Variants in ARFIP2 observed in about 807,000 individuals in gnomAD.
ARFIP2 encodes the protein ARF interacting protein 2, also known as arfaptin-2.
ARFIP2 carries 14 observed loss-of-function variants against 39.2 expected under a neutral mutation model. The observed-to-expected ratio is 0.36, with a 90% CI of 0.24 to 0.56. ARFIP2 has a LOEUF of 0.56. Ranked by LOEUF, ARFIP2 falls within the 20% of genes least tolerant of loss-of-function variation. The probability of loss-of-function intolerance (pLI) is 0.85; values close to 1 mark genes in which losing one functional copy is unlikely to be tolerated. For missense variants in ARFIP2, 305 were observed against 422.5 expected (o/e 0.72, Z 2.44); for synonymous variants, 167 against 172.4 (o/e 0.97, Z 0.24).
At chr11:6,481,060 C>G (rs1023231308) in intron 1 of ARFIP2, 171 bp downstream of exon 1, 1 of 236,946 alleles carries the variant, frequency 4.2e-6, no homozygotes, top group East Asian at 1.3e-4. Context: ...CCCAGGATAT[C>G]GGTGACCCTT....
At chr11:6,481,148 T>A in intron 1 of ARFIP2, 83 bp downstream of exon 1, 1 of 427,564 alleles carries the variant, frequency 2.3e-6, no homozygotes. Context: ...TGTGTCCTCA[T>A]CCTTCCCCGG....
Position 6,477,898 on chromosome 11 carries a change from G to T in ARFIP2, c.696-6C>A, listed in dbSNP as rs1282511236. 1 of 1,613,560 alleles carries T rather than the reference G, an allele frequency of 6.2e-7. No individual in the cohort carries two copies. The highest frequency in any genetic ancestry group is 1.7e-5 in the Admixed American group (1 of 59,992). Reference sequence around the variant, plus strand: ...GGTAGGCATCATATTCCAGCCTGGGGAGGGGGTGATAAAGGCTGGTCTCCA... The same window carrying T: ...GGTAGGCATCATATTCCAGCCTGGGTAGGGGGTGATAAAGGCTGGTCTCCA... On this transcript the variant is annotated splice_region_variant and splice_polypyrimidine_tract_variant and intron_variant, in intron 6 of 7. Transcript: ENST00000396777. This position sits in a 1 kb window ranked among gnomAD's most constrained non-coding sequence, Gnocchi z 4.8.
In ARFIP2 at chr11:6,480,267, G is replaced by T. The variant is rs1365930478; in HGVS notation, c.99+56C>A. ...TACTGGAATGGAGGGTGAGAACCTA[G>T]GATTTATAAATTGGATTCCTAAATT... On this transcript the variant is annotated intron_variant, in intron 2 of 7. Transcript: ENST00000396777. The T allele has an allele frequency of 7.1e-6, 11 of 1,551,564 alleles. No individual in the cohort carries two copies. In the South Asian group the frequency reaches 1.3e-4, roughly 18 times the overall value.
rs1388095238 is a variant in ARFIP2 at position 6,478,367 on chromosome 11, T to TG, written c.538-170dup. ...AGCCGGAAAGTTAGTGGGATCACCCTGGGGATACCTGGGGTAGGAATGTGG... is the reference window on the plus strand; with the variant it reads ...AGCCGGAAAGTTAGTGGGATCACCCTGGGGGATACCTGGGGTAGGAATGTGG... On this transcript the variant is annotated intron_variant, in intron 5 of 7. Transcript: ENST00000396777. The surrounding 1 kb of genome is among the most constrained non-coding windows in gnomAD (Gnocchi z 4.8). 6.6e-6 allele frequency among the ~76,000 whole-genome samples: 1 copy of TG among 152,008 alleles called. No homozygotes were observed. Among genetic ancestry groups the TG allele is most frequent in the African/African-American group, 2.4e-5 (1 of 41,382 alleles).
In ARFIP2 at chr11:6,476,991, G is replaced by A. The variant is rs1589849129; in HGVS notation, c.*122C>T. 2.6e-5 allele frequency: 32 copies of A among 1,228,550 alleles called. No individual in the cohort carries two copies. The East Asian group carries it at 8.3e-4, about 32-fold the overall frequency. The allele number at this position is 1,228,550 out of a possible 1,614,324, so 76.1% of individuals were successfully genotyped here. A position where few individuals can be genotyped will look rare whatever the true frequency, so the allele number is the denominator to read the frequency against. On this transcript the variant is annotated 3_prime_UTR_variant, in exon 8 of 8. Transcript: ENST00000396777. ...TGGGCAAAACTGGTGTCAGGCCCCA[G>A]CCAGAAAAAGGAGCCCAAGCCAGAG... is the stretch of plus-strand genomic sequence containing the variant.
Position 6,478,090 on chromosome 11 carries a change from T to G in ARFIP2, c.646A>C (p.Lys216Gln). ...FVSSINTLVT[K>Q]TMEDTLMTVK... ...GTCATGAGCGTGTCTTCCATGGTCTTGGTGACCAATGTGTTGATGCTAGAG... is the reference window on the plus strand; with the variant it reads ...GTCATGAGCGTGTCTTCCATGGTCTGGGTGACCAATGTGTTGATGCTAGAG... The change falls in exon 6 of 8, where the codon AAG becomes CAG. Residue 216 changes from lysine to glutamine, a missense_variant. By Grantham distance (53) the Lys-to-Gln change is moderately conservative (BLOSUM62 1). Coordinates refer to ENST00000396777, the MANE Select transcript of ARFIP2 (RefSeq NM_001376558.2). This position sits in a 1 kb window ranked among gnomAD's most constrained non-coding sequence, Gnocchi z 4.8. The G allele has an allele frequency of 6.2e-7, 1 of 1,614,114 alleles. No individual in the cohort carries two copies. The highest frequency in any genetic ancestry group is 8.5e-7 in the Non-Finnish European group (1 of 1,179,994).
At chr11:6,479,074 C>T in intron 4 of ARFIP2, 66 bp downstream of exon 4, 1 of 1,588,566 alleles carries the variant, frequency 6.3e-7, no homozygotes, top group Non-Finnish European at 8.6e-7. Context: ...ATATTACGAT[C>T]ACGAAGAAAA....
chr11:6,480,173 G>A, intron 2 of ARFIP2, 105 bp from the exon 3 acceptor site: 2 of 1,291,038 alleles, frequency 1.5e-6, no homozygotes, highest in Non-Finnish European at 2.2e-6. Context: ...TAGTACACAA[G>A]GGAAGTCTGC....
In ARFIP2 at chr11:6,477,816, G is replaced by A. The variant is rs139680221; in HGVS notation, c.772C>T (p.Leu258Phe). The A allele has an allele frequency of 6.2e-7, 1 of 1,613,986 alleles. No individual in the cohort carries two copies. The highest frequency in any genetic ancestry group is 8.5e-7 in the Non-Finnish European group (1 of 1,179,970). Residue 258 changes from leucine (L) to phenylalanine (F), a missense_variant, in exon 7 of 8, where the codon CTT becomes TTT. Leu to Phe is a conservative substitution (Grantham distance 22, BLOSUM62 0). Transcript: ENST00000396777. This position sits in a 1 kb window ranked among gnomAD's most constrained non-coding sequence, Gnocchi z 4.8. Reference sequence around the variant, plus strand: ...TGGAAAGTGGCCTGGGCACTCTCAAGTCGACCACGTGTCCCTGCATCCCGG... The same window carrying A: ...TGGAAAGTGGCCTGGGCACTCTCAAATCGACCACGTGTCCCTGCATCCCGG... ...GPRDAGTRGR[L>F]ESAQATFQAH...
rs1165708457 is a variant in ARFIP2 at position 6,478,141 on chromosome 11, G to A, written c.595C>T (p.Leu199=). Residue 199 remains leucine (L), a synonymous_variant, in exon 6 of 8, where the codon CTG becomes TTG. Transcript: ENST00000396777. This position sits in a 1 kb window ranked among gnomAD's most constrained non-coding sequence, Gnocchi z 4.8. ...QKLLCKNGET[L]LGAVNFFVSS... ...ACAAAGAAGTTCACGGCTCCTAGCA[G>A]CGTTTCCCCATTCTTGCATAGTAGT... is the stretch of plus-strand genomic sequence containing the variant. The A allele has an allele frequency of 1.9e-6, 3 of 1,614,106 alleles. No individual in the cohort carries two copies. Among genetic ancestry groups the A allele is most frequent in the South Asian group, 2.2e-5 (2 of 91,086 alleles).
Position 6,481,252 on chromosome 11 carries a change from C to T in ARFIP2, c.-64G>A, listed in dbSNP as rs1283963688. The T allele has an allele frequency of 5.0e-6, 3 of 598,330 alleles. No homozygotes were observed. The highest frequency in any genetic ancestry group is 3.7e-5 in the African/African-American group (2 of 53,674). 37.1% of individuals were successfully genotyped at this position (598,330 alleles called of 1,614,324 possible). On this transcript the variant is annotated 5_prime_UTR_variant, in exon 1 of 8. Transcript: ENST00000396777. Reference sequence around the variant, plus strand: ...TCACCTCGGGCCGGGCCGCTCTTCCCCTCAGGGCGCCAGGCCCGGGCCGCG... The same window carrying T: ...TCACCTCGGGCCGGGCCGCTCTTCCTCTCAGGGCGCCAGGCCCGGGCCGCG...
At position 6,480,444 on chromosome 11, in the gene ARFIP2, A is replaced by C; in HGVS notation, c.-23T>G. On this transcript the variant is annotated 5_prime_UTR_variant, in exon 2 of 8. Transcript: ENST00000396777. ...CATGGCTAGGAAAGGTATTGGAGTA[A>C]AACTCTCCACCCCAGCACCCTGCAA... 1 of 1,585,552 alleles carries C rather than the reference A, an allele frequency of 6.3e-7. No homozygotes were observed. The highest frequency in any genetic ancestry group is 8.6e-7 in the Non-Finnish European group (1 of 1,163,590).
chr11:6,477,768 T>C lies in ARFIP2; in HGVS notation c.820A>G (p.Lys274Glu), dbSNP rs1162488091. 1 of 1,613,916 alleles carries C rather than the reference T, an allele frequency of 6.2e-7. No homozygotes were observed. Reference sequence around the variant, plus strand: ...TTGATGGCCACATCTCCCCGCAGCTTCTCATACTTGTCCCGATGGGCCTGG... The same window carrying C: ...TTGATGGCCACATCTCCCCGCAGCTCCTCATACTTGTCCCGATGGGCCTGG... ...TFQAHRDKYE[K>E]LRGDVAIKLK... The change falls in exon 7 of 8, where the codon AAG becomes GAG. Residue 274 changes from lysine (K) to glutamate (E), a missense_variant. By Grantham distance (56) the Lys-to-Glu change is moderately conservative. This residue lies in a region of ARFIP2 where 112 missense variants were observed against 118.2 expected (regional missense o/e 0.95). Coordinates refer to ENST00000396777, the MANE Select transcript of ARFIP2 (RefSeq NM_001376558.2). This position sits in a 1 kb window ranked among gnomAD's most constrained non-coding sequence, Gnocchi z 4.8.
chr11:6,479,468 G>C, intron 3 of ARFIP2: 2 of 911,294 alleles, frequency 2.2e-6, no homozygotes, highest in Non-Finnish European at 3.3e-6. Context: ...GGGGGTTAGA[G>C]GAGGGGTTTG....
At chr11:6,480,650 G>C in intron 1 of ARFIP2, 187 bp from the exon 2 acceptor site, 1 of 464,246 alleles carries the variant, frequency 2.2e-6, no homozygotes, top group South Asian at 2.9e-5. Flanking sequence ...ACCAAAGCAC[G>C]GTGTCTTCTC....
Position 6,478,570 on chromosome 11 carries a change from T to G in ARFIP2, c.537+168A>C. 1 of 1,432,264 alleles carries G rather than the reference T, an allele frequency of 7.0e-7. No homozygotes were observed. The highest frequency in any genetic ancestry group is 1.5e-5 in the South Asian group (1 of 68,466). The allele number at this position is 1,432,264 out of a possible 1,614,324, so 88.7% of individuals were successfully genotyped here. On this transcript the variant is annotated intron_variant, in intron 5 of 7. Transcript: ENST00000396777. The surrounding 1 kb of genome is among the most constrained non-coding windows in gnomAD (Gnocchi z 4.8). ...CCACCCCCTCCAACTTCTGGACCTC[T>G]GTACAAACCCTTAGGCTGCCTCCAC...
At position 6,477,775 on chromosome 11, in the gene ARFIP2, C is replaced by T; in HGVS notation, c.813G>A (p.Lys271=). The T allele has an allele frequency of 6.2e-7, 1 of 1,614,000 alleles. No homozygotes were observed. Among genetic ancestry groups the T allele is most frequent in the Non-Finnish European group, 8.5e-7 (1 of 1,179,958 alleles). The stretch of plus-strand genomic sequence containing the variant: ...CCACATCTCCCCGCAGCTTCTCATA[C>T]TTGTCCCGATGGGCCTGGAAAGTGG... The part of the protein sequence containing the change: ...AQATFQAHRD[K]YEKLRGDVAI... Residue 271 remains lysine (K), a synonymous_variant, in exon 7 of 8, where the codon AAG becomes AAA. Coordinates refer to ENST00000396777, the MANE Select transcript of ARFIP2 (RefSeq NM_001376558.2). This position sits in a 1 kb window ranked among gnomAD's most constrained non-coding sequence, Gnocchi z 4.8.
In ARFIP2 at chr11:6,479,934, C is replaced by T. The variant is rs565759817; in HGVS notation, c.196+38G>A. 8.8e-6 allele frequency: 14 copies of T among 1,589,978 alleles called. No homozygotes were observed. In the African/African-American group the frequency reaches 1.7e-4, roughly 20 times the overall value. On this transcript the variant is annotated intron_variant, in intron 3 of 7. Coordinates refer to ENST00000396777, the MANE Select transcript of ARFIP2 (RefSeq NM_001376558.2). ...TGCTTCCCCAAACCATTCCTGTCCC[C>T]TCCTCCACCCAAGATTCCTGTTTCT...
At chr11:6,480,823 T>G in intron 1 of ARFIP2, 1 of 180,750 alleles carries the variant, frequency 5.5e-6, no homozygotes, top group Non-Finnish European at 1.2e-5. Flanking sequence ...TGCAGGCGTG[T>G]TTATGCTGAG....
Sources: allele counts gnomAD v4.1 joint callset (sites outside exome capture counted in the v4.1 genomes callset), GRCh38; gene constraint gnomAD v4.1.1; regional missense constraint gnomAD v4.1.1; non-coding constraint Gnocchi (gnomAD v3.1); transcripts MANE v1.5; gene names NCBI Gene and HGNC (gene_info 2026-07-23, HGNC 2026-07-21).